MAGI2: variants seen among roughly 807,000 people sequenced by gnomAD.
The protein encoded by MAGI2 is membrane associated guanylate kinase, WW and PDZ domain containing 2.
A neutral mutation model predicts 133.3 loss-of-function variants in MAGI2; 35 were observed. The ratio of observed to expected loss-of-function variants is 0.26; its 90% CI spans 0.20 to 0.35. The LOEUF (loss-of-function observed/expected upper bound fraction) is 0.35. Ranked by LOEUF, MAGI2 falls within the 10% of genes least tolerant of loss-of-function variation. The pLI is 1.00. For missense variants in MAGI2, 1,636 were observed against 1,863.4 expected, an observed-to-expected ratio of 0.88 and a Z score of 2.25; for synonymous variants, 729 against 710.6, an observed-to-expected ratio of 1.03 and a Z score of -0.41.
intron 2 of MAGI2, among the ~76,000 whole-genome samples, chr7:78,666,113 A>G (rs1813550091): frequency 6.6e-6 from 1 of 152,120 alleles, no homozygotes; most frequent in South Asian, 2.1e-4. Context: ...TTGCTATCCA[A>G]CGTAAGTCTC....
At chr7:78,024,167 C>T (rs180930952) in intron 21 of MAGI2, among the ~76,000 whole-genome samples, 1 of 152,188 alleles carries the variant, frequency 6.6e-6, no homozygotes, top group Non-Finnish European at 1.5e-5. Context: ...CATTCTCCTG[C>T]TTTTTATCCT....
chr7:78,230,100 CAG>C (rs1251377977), intron 10 of MAGI2, among the ~76,000 whole-genome samples: 3 of 152,212 alleles, frequency 2.0e-5, no homozygotes, highest in Non-Finnish European at 4.4e-5. Context: ...AAGTATCGCT[CAG>C]GGGAATAGCA....
chr7:78,178,316 G>A (rs1034432182), intron 13 of MAGI2, among the ~76,000 whole-genome samples: 1 of 152,092 alleles, frequency 6.6e-6, no homozygotes, highest in African/African-American at 2.4e-5. Context: ...ACTAGCCGAG[G>A]GCACTACTGA....
At chr7:78,920,515 G>C (rs1306597263) in intron 2 of MAGI2, among the ~76,000 whole-genome samples, 2 of 151,982 alleles carry the variant, frequency 1.3e-5, no homozygotes, top group Admixed American at 1.3e-4. Context: ...CTCTTATATA[G>C]AGGAGTTAAA....
chr7:78,880,193 G>A (rs1311031553), intron 2 of MAGI2, among the ~76,000 whole-genome samples: 1 of 152,112 alleles, frequency 6.6e-6, no homozygotes, highest in Non-Finnish European at 1.5e-5. Context: ...TCCTAGAGAG[G>A]TAGATATCCA....
intron 3 of MAGI2, among the ~76,000 whole-genome samples, chr7:78,571,384 AT>A (rs1295533518): frequency 2.0e-5 from 3 of 152,224 alleles, no homozygotes; most frequent in Non-Finnish European, 4.4e-5. Flanking sequence ...AATAAAGAAC[AT>A]TTGGGGAATA....
At chr7:78,199,316 C>G (rs1829021846) in intron 11 of MAGI2, among the ~76,000 whole-genome samples, 3 of 152,160 alleles carry the variant, frequency 2.0e-5, no homozygotes, top group Admixed American at 2.0e-4. Flanking sequence ...CAACTATGTT[C>G]ATTTCATACA....
chr7:78,608,423 G>A (rs909837233), intron 3 of MAGI2, among the ~76,000 whole-genome samples: 7 of 151,360 alleles, frequency 4.6e-5, no homozygotes, highest in African/African-American at 1.2e-4. Flanking sequence ...TTTTTGTGGC[G>A]ACTGAATGTG....
chr7:78,963,553 A>AC (rs1248270033), intron 2 of MAGI2, among the ~76,000 whole-genome samples: 1 of 152,026 alleles, frequency 6.6e-6, no homozygotes, highest in Admixed American at 6.6e-5. Context: ...AGTTCTAACA[A>AC]CATGTAAACT....
intron 4 of MAGI2, among the ~76,000 whole-genome samples, chr7:78,503,553 C>T (rs1487207849): frequency 7.7e-6 from 1 of 129,766 alleles, no homozygotes; most frequent in African/African-American, 2.9e-5. Context: ...GCACTCACTC[C>T]ATCTCCCCCT....
intron 5 of MAGI2, 22 bp from the exon 6 acceptor site, chr7:78,489,862 C>G: frequency 1.3e-6 from 2 of 1,573,922 alleles, no homozygotes; most frequent in Non-Finnish European, 1.7e-6. Flanking sequence ...AGAGATCACT[C>G]TGAACAGACA....
chr7:78,578,257 A>T (rs1584716307), intron 3 of MAGI2, among the ~76,000 whole-genome samples: 1 of 152,104 alleles, frequency 6.6e-6, no homozygotes. Flanking sequence ...TAAGAACCCT[A>T]TGGAAGAAAA....
chr7:78,812,839 T>C (rs960378090), intron 2 of MAGI2, among the ~76,000 whole-genome samples: 1 of 152,112 alleles, frequency 6.6e-6, no homozygotes, highest in Admixed American at 6.5e-5. Flanking sequence ...TTGGATGTGG[T>C]TTTAGGAACA....
chr7:78,163,543 A>T (rs1235476267), intron 15 of MAGI2, among the ~76,000 whole-genome samples: 1 of 152,182 alleles, frequency 6.6e-6, no homozygotes, highest in Non-Finnish European at 1.5e-5. Flanking sequence ...GGAGTCAGTG[A>T]CAATGCCTGC....
rs116191533 is a variant in MAGI2 at position 79,105,914 on chromosome 7, T to C, written c.302-98708A>G. On this transcript the variant is annotated intron_variant, in intron 1 of 21. Transcript: ENST00000354212. ...GCTTAAACACATTAATAAATCCATGTTTTTCTCAAAATAAGTTTTGTATAT... is the reference window on the plus strand; with the variant it reads ...GCTTAAACACATTAATAAATCCATGCTTTTCTCAAAATAAGTTTTGTATAT... Among the ~76,000 whole-genome samples, 380 of 152,256 alleles carry C rather than the reference T, an allele frequency of 2.5e-3. 3 individuals are homozygous for C. The highest frequency in any genetic ancestry group is 8.3e-3 in the African/African-American group (344 of 41,562).
chr7:78,670,849 T>A (rs1814293293), intron 2 of MAGI2, among the ~76,000 whole-genome samples: 1 of 152,306 alleles, frequency 6.6e-6, no homozygotes. Flanking sequence ...AAGCAGTAAG[T>A]CTGTGAACAT....
chr7:78,341,366 T>C (rs985899827), intron 9 of MAGI2, among the ~76,000 whole-genome samples: 1 of 152,166 alleles, frequency 6.6e-6, no homozygotes, highest in Non-Finnish European at 1.5e-5. Context: ...ATCAATATCA[T>C]GAAAATGGCC....
intron 1 of MAGI2, among the ~76,000 whole-genome samples, chr7:79,349,522 C>T (rs1841552617): frequency 6.6e-6 from 1 of 151,692 alleles, no homozygotes; most frequent in Non-Finnish European, 1.5e-5. Flanking sequence ...TTATTTATTC[C>T]CCACAACACT....
chr7:78,081,103 G>C (rs901087806), intron 20 of MAGI2, among the ~76,000 whole-genome samples: 1 of 152,038 alleles, frequency 6.6e-6, no homozygotes, highest in Non-Finnish European at 1.5e-5. Flanking sequence ...GTGATTTCTT[G>C]TTCTTTCTGA....
Sources: gnomAD v4.1 joint callset for allele counts (sites outside exome capture counted in the v4.1 genomes callset) on GRCh38, gnomAD v4.1.1 for gene constraint, MANE v1.5 for transcripts, NCBI Gene and HGNC (gene_info 2026-07-23, HGNC 2026-07-21) for gene names.